CYRIB: variants seen among roughly 807,000 people sequenced by gnomAD.
The protein encoded by CYRIB is CYFIP-related Rac1 interactor B.
Under a neutral mutation model 44.2 loss-of-function variants are expected in CYRIB, and 8 were observed. The observed-to-expected ratio is 0.18, with a 90% CI of 0.11 to 0.33. CYRIB has a LOEUF of 0.33. Ranked by LOEUF, CYRIB falls within the 10% of genes least tolerant of loss-of-function variation. The probability of loss-of-function intolerance (pLI) is 1.00; values close to 1 mark genes in which losing one functional copy is unlikely to be tolerated. For synonymous variants in CYRIB, 131 were observed against 127.2 expected (o/e 1.03, Z -0.20); for missense variants, 185 against 382.8 (o/e 0.48, Z 4.31).
chr8:129,924,314 G>GGGGGGGGGGGGGGGA (rs1554645242), intron 1 of CYRIB, among the ~76,000 whole-genome samples: 1 of 34,902 alleles, frequency 2.9e-5, no homozygotes, highest in Non-Finnish European at 5.1e-5. Context: ...GGTGGCGGGG[G>GGGGGGGGGGGGGGGA]GGGTGTTACT....
At chr8:130,000,490 C>T (rs113256622) in intron 1 of CYRIB, among the ~76,000 whole-genome samples, 20 of 151,708 alleles carry the variant, frequency 1.3e-4, no homozygotes, top group African/African-American at 4.6e-4. Flanking sequence ...GTCAGGAGTT[C>T]GAGACCAGCC....
Position 129,902,966 on chromosome 8 carries a change from AT to A in CYRIB, c.-11+345del, listed in dbSNP as rs542262026. On this transcript the variant is annotated intron_variant, in intron 2 of 11. Transcript: ENST00000519824. ...TCCCTTCTGTTTTCAATGAAAAAAA[AT>A]ATATATGTACATATATATACTTTAA... 339 of 152,648 alleles carry A rather than the reference AT, an allele frequency of 2.2e-3. 1 individual carries two copies. The highest frequency in any genetic ancestry group is 7.7e-3 in the African/African-American group (319 of 41,544). 9.5% of individuals were successfully genotyped at this position (152,648 alleles called of 1,614,324 possible).
upstream of CYRIB, chr8:130,016,921 C>G (rs944189533): frequency 6.6e-6 from 1 of 152,236 alleles, no homozygotes; most frequent in Non-Finnish European, 1.5e-5. Context: ...GAGTGACCCC[C>G]AAGGTCACTG....
At chr8:129,883,081 C>A (rs1454006603) in intron 2 of CYRIB, among the ~76,000 whole-genome samples, 1 of 135,936 alleles carries the variant, frequency 7.4e-6, no homozygotes, top group East Asian at 2.1e-4. Flanking sequence ...ACTGCACACT[C>A]CAGCCTAGGC....
intron 4 of CYRIB, among the ~76,000 whole-genome samples, chr8:129,866,980 A>G (rs928407381): frequency 1.3e-5 from 2 of 152,250 alleles, no homozygotes; most frequent in Non-Finnish European, 2.9e-5. Context: ...CAGAGCAGGT[A>G]TAACTTATTT....
intron 1 of CYRIB, among the ~76,000 whole-genome samples, chr8:129,918,585 T>C (rs74359849): frequency 0.044 from 6,694 of 152,292 alleles, 252 homozygotes; most frequent in African/African-American, 0.1. Context: ...GTATATTCCA[T>C]GTGTGAGTTA....
intron 1 of CYRIB, among the ~76,000 whole-genome samples, chr8:129,932,101 C>A (rs746568853): frequency 6.7e-6 from 1 of 149,128 alleles, no homozygotes; most frequent in East Asian, 2.0e-4. Flanking sequence ...CAGGTTCAAG[C>A]GATTCTCCTG....
At chr8:129,925,018 A>G (rs2086629781) in intron 1 of CYRIB, among the ~76,000 whole-genome samples, 2 of 152,124 alleles carry the variant, frequency 1.3e-5, no homozygotes, top group Non-Finnish European at 2.9e-5. Flanking sequence ...AGAGCACTAC[A>G]CGCTTTTACT....
chr8:130,016,674 C>G (rs1426331231), upstream of CYRIB: 3 of 149,102 alleles, frequency 2.0e-5, no homozygotes, highest in Non-Finnish European at 4.5e-5. Flanking sequence ...CGCCTCCCCC[C>G]GCGCCCAGTC....
chr8:129,882,599 C>T (rs1433916954), intron 2 of CYRIB, among the ~76,000 whole-genome samples: 2 of 152,124 alleles, frequency 1.3e-5, no homozygotes, highest in African/African-American at 2.4e-5. Context: ...TTAACATCAT[C>T]AGGTATGCAT....
chr8:129,942,264 A>G (rs1045464141), upstream of CYRIB, among the ~76,000 whole-genome samples: 1 of 152,172 alleles, frequency 6.6e-6, no homozygotes, highest in Admixed American at 6.5e-5. Flanking sequence ...GCTTGAACCC[A>G]GGAGGTGAAG....
chr8:129,881,597 G>A (rs535741515), intron 2 of CYRIB, among the ~76,000 whole-genome samples: 43 of 152,214 alleles, frequency 2.8e-4, no homozygotes, highest in Non-Finnish European at 5.1e-4. Context: ...TCTGATGTAC[G>A]GAAACACAAA....
At chr8:129,958,093 G>T (rs1344354512) in intron 2 of CYRIB, among the ~76,000 whole-genome samples, 1 of 152,074 alleles carries the variant, frequency 6.6e-6, no homozygotes, top group African/African-American at 2.4e-5. Context: ...AGAGATGGAG[G>T]TTGTAGTGAG....
intron 4 of CYRIB, among the ~76,000 whole-genome samples, chr8:129,870,099 C>T (rs1037478735): frequency 2.0e-5 from 3 of 152,072 alleles, no homozygotes; most frequent in African/African-American, 7.2e-5. Flanking sequence ...AATGACACTA[C>T]GATCTGCTAA....
chr8:129,855,190 A>C (rs1175480846), intron 6 of CYRIB, among the ~76,000 whole-genome samples: 2 of 152,132 alleles, frequency 1.3e-5, no homozygotes, highest in African/African-American at 4.8e-5. Flanking sequence ...CAGGAGTTCG[A>C]GATCAGCCTG....
intron 8 of CYRIB, 133 bp from the exon 11 acceptor site, chr8:129,851,047 T>C: frequency 3.2e-6 from 2 of 628,510 alleles, no homozygotes; most frequent in Non-Finnish European, 5.6e-6. Flanking sequence ...TTCTAAATAA[T>C]GCACTAGACT....
At chr8:129,999,007 C>T (rs920550086) in intron 1 of CYRIB, among the ~76,000 whole-genome samples, 2 of 152,184 alleles carry the variant, frequency 1.3e-5, no homozygotes, top group African/African-American at 4.8e-5. Context: ...CAATCCTCAG[C>T]TCAGCTCAAA....
chr8:129,996,535 G>T (rs2096770800), intron 1 of CYRIB, among the ~76,000 whole-genome samples: 1 of 152,192 alleles, frequency 6.6e-6, no homozygotes. Context: ...AAGGGCAGGG[G>T]AGACTCAAGG....
At chr8:129,858,334 T>A (rs537533687) in intron 5 of CYRIB, among the ~76,000 whole-genome samples, 1 of 152,280 alleles carries the variant, frequency 6.6e-6, no homozygotes, top group African/African-American at 2.4e-5. Context: ...TAATAGTCTA[T>A]TAAGCCCTAA....
Sources: gnomAD v4.1 joint callset for allele counts (sites outside exome capture counted in the v4.1 genomes callset) on GRCh38, gnomAD v4.1.1 for gene constraint, MANE v1.5 for transcripts, NCBI Gene and HGNC (gene_info 2026-07-23, HGNC 2026-07-21) for gene names.